Variants in PLCB1 observed in about 807,000 individuals in gnomAD.
PLCB1 encodes the protein 1-phosphatidylinositol 4,5-bisphosphate phosphodiesterase beta-1.
PLCB1 carries 46 observed loss-of-function variants against 161.8 expected under a neutral mutation model. That is an observed-to-expected ratio of 0.28 (90% CI 0.22 to 0.36). The LOEUF (loss-of-function observed/expected upper bound fraction) is 0.36, where lower values mean the gene tolerates loss of function less well. Ranked by LOEUF, PLCB1 falls within the 10% of genes least tolerant of loss-of-function variation. The pLI is 1.00. For missense variants in PLCB1, 1,016 were observed against 1,472.5 expected (o/e 0.69, Z 5.07); for synonymous variants, 517 against 503.7 (o/e 1.03, Z -0.35).
intron 3 of PLCB1, among the ~76,000 whole-genome samples, chr20:8,524,263 A>G (rs767598585): frequency 1.6e-4 from 24 of 152,138 alleles, no homozygotes; most frequent in Non-Finnish European, 2.6e-4. Context: ...TGGCTTTAGG[A>G]ATTCAGAAAA....
At chr20:8,877,602 C>T (rs1404023211) in intron 31 of PLCB1, among the ~76,000 whole-genome samples, 1 of 152,166 alleles carries the variant, frequency 6.6e-6, no homozygotes, top group African/African-American at 2.4e-5. Context: ...CTTGCCTGGC[C>T]CCTGTAACAT....
At chr20:8,220,542 C>T (rs980089104) in intron 2 of PLCB1, among the ~76,000 whole-genome samples, 1 of 152,174 alleles carries the variant, frequency 6.6e-6, no homozygotes, top group Non-Finnish European at 1.5e-5. Context: ...TGGGGAGTCA[C>T]AGAGAAGAAG....
intron 3 of PLCB1, among the ~76,000 whole-genome samples, chr20:8,421,153 G>C (rs937686174): frequency 1.7e-4 from 26 of 152,144 alleles, no homozygotes; most frequent in Admixed American, 1.6e-3. Context: ...ATCGTTATTT[G>C]TGAGCTCATT....
At chr20:8,546,009 G>A (rs774237907) in intron 3 of PLCB1, among the ~76,000 whole-genome samples, 1 of 152,106 alleles carries the variant, frequency 6.6e-6, no homozygotes, top group African/African-American at 2.4e-5. Context: ...CTAGCAGATT[G>A]TTGAACATAA....
At chr20:8,134,875 A>G (rs994460480) in intron 1 of PLCB1, among the ~76,000 whole-genome samples, 3 of 152,116 alleles carry the variant, frequency 2.0e-5, no homozygotes, top group Non-Finnish European at 4.4e-5. Context: ...TTTTAAAAAA[A>G]AAAAAAAAAC....
intron 26 of PLCB1, among the ~76,000 whole-genome samples, chr20:8,770,701 G>A (rs1421891031): frequency 6.6e-6 from 1 of 152,156 alleles, no homozygotes; most frequent in African/African-American, 2.4e-5. Context: ...CAGGTCATAG[G>A]TAGATAAGAG....
At chr20:8,860,854 T>G (rs1357930218) in intron 31 of PLCB1, among the ~76,000 whole-genome samples, 3 of 152,224 alleles carry the variant, frequency 2.0e-5, no homozygotes, top group Non-Finnish European at 4.4e-5. Context: ...ACTAAGTAAT[T>G]TCAATCAGTT....
chr20:8,603,592 C>T (rs987931561), intron 3 of PLCB1, among the ~76,000 whole-genome samples: 1 of 152,186 alleles, frequency 6.6e-6, no homozygotes, highest in African/African-American at 2.4e-5. Context: ...CATCAGCATC[C>T]CTTGGGAACT....
chr20:8,582,631 T>A (rs74439470), intron 3 of PLCB1, among the ~76,000 whole-genome samples: 1 of 152,254 alleles, frequency 6.6e-6, no homozygotes, highest in East Asian at 1.9e-4. Flanking sequence ...CAAATATCCA[T>A]TGATGGATGA....
chr20:8,739,737 C>T (rs1398601295), intron 21 of PLCB1, among the ~76,000 whole-genome samples: 1 of 152,208 alleles, frequency 6.6e-6, no homozygotes, highest in Non-Finnish European at 1.5e-5. Flanking sequence ...GCTGAAGTGG[C>T]AGTTGCTTCT....
chr20:8,567,796 A>G (rs1166662682), intron 3 of PLCB1, among the ~76,000 whole-genome samples: 1 of 152,156 alleles, frequency 6.6e-6, no homozygotes, highest in East Asian at 1.9e-4. Flanking sequence ...TTCCTTCTCT[A>G]CTTAAAAGCA....
intron 16 of PLCB1, among the ~76,000 whole-genome samples, chr20:8,726,810 A>T (rs939299337): frequency 1.3e-5 from 2 of 152,132 alleles, no homozygotes; most frequent in Non-Finnish European, 2.9e-5. Context: ...GTTTTGAAAG[A>T]CCATAATTCT....
intron 31 of PLCB1, among the ~76,000 whole-genome samples, chr20:8,793,477 A>G (rs572118823): frequency 2.0e-5 from 3 of 152,272 alleles, no homozygotes; most frequent in East Asian, 3.9e-4. Flanking sequence ...GGGACAGAGT[A>G]AAAAAGAGAG....
intron 2 of PLCB1, among the ~76,000 whole-genome samples, chr20:8,347,880 G>C (rs1457863043): frequency 1.3e-5 from 2 of 152,108 alleles, no homozygotes; most frequent in African/African-American, 4.8e-5. Context: ...CCTGAGGCAG[G>C]AGAATGGCAT....
At chr20:8,372,564 A>G (rs1264051064) in intron 3 of PLCB1, among the ~76,000 whole-genome samples, 1 of 152,262 alleles carries the variant, frequency 6.6e-6, no homozygotes, top group Non-Finnish European at 1.5e-5. Flanking sequence ...GAAGGCTTCT[A>G]TAAGTGTTTC....
chr20:8,834,809 A>C (rs1266171483), intron 31 of PLCB1, among the ~76,000 whole-genome samples: 2 of 62,308 alleles, frequency 3.2e-5, no homozygotes, highest in Non-Finnish European at 6.6e-5. Flanking sequence ...ACTCTGCCTC[A>C]GAAAAAAAAA....
intron 3 of PLCB1, among the ~76,000 whole-genome samples, chr20:8,556,411 T>C (rs769734535): frequency 4.6e-5 from 7 of 152,032 alleles, no homozygotes; most frequent in Non-Finnish European, 1.0e-4. Context: ...TTATAAACAA[T>C]AGACAACCCT....
chr20:8,190,872 G>T (rs962780063), intron 2 of PLCB1, among the ~76,000 whole-genome samples: 22 of 152,198 alleles, frequency 1.4e-4, no homozygotes, highest in Non-Finnish European at 2.5e-4. Context: ...TCAAGTGAAT[G>T]ACCGGGTCCG....
At chr20:8,812,703 A>G (rs1288653814) in intron 31 of PLCB1, among the ~76,000 whole-genome samples, 1 of 152,150 alleles carries the variant, frequency 6.6e-6, no homozygotes, top group East Asian at 1.9e-4. Context: ...TCCTGAATAG[A>G]TTTACCCACC....
Sources: gnomAD v4.1 joint callset for allele counts (sites outside exome capture counted in the v4.1 genomes callset) on GRCh38, gnomAD v4.1.1 for gene constraint, MANE v1.5 for transcripts, NCBI Gene and HGNC (gene_info 2026-07-23, HGNC 2026-07-21) for gene names.